Variants in CDH12 observed in about 807,000 individuals in gnomAD.
The protein encoded by CDH12 is cadherin-12.
In CDH12, 41 loss-of-function variants were observed where a neutral mutation model predicts 74.1. The observed-to-expected ratio is 0.55, with a 90% CI of 0.43 to 0.72. CDH12 has a LOEUF of 0.72. Among genes scored for constraint, CDH12 ranks in the 30% least tolerant of loss-of-function variants. The pLI is 0.00. For synonymous variants in CDH12, 399 were observed against 355.0 expected (o/e 1.12, Z -1.39); for missense variants, 945 against 977.2 (o/e 0.97, Z 0.44).
chr5:21,935,582 T>C (rs1423939348), intron 6 of CDH12, among the ~76,000 whole-genome samples: 1 of 152,218 alleles, frequency 6.6e-6, no homozygotes, highest in Admixed American at 6.5e-5. Context: ...AGTTATCCTT[T>C]GTGTTACAAA....
At chr5:22,138,041 A>G (rs943802687) in intron 4 of CDH12, among the ~76,000 whole-genome samples, 2 of 152,148 alleles carry the variant, frequency 1.3e-5, no homozygotes, top group Non-Finnish European at 2.9e-5. Flanking sequence ...AAAAATTATC[A>G]TATGAAAACC....
At chr5:22,193,158 T>G (rs933426365) in intron 4 of CDH12, among the ~76,000 whole-genome samples, 3 of 152,194 alleles carry the variant, frequency 2.0e-5, no homozygotes, top group Non-Finnish European at 4.4e-5. Flanking sequence ...TTTTGTTTGT[T>G]TTTGTTTGTT....
intron 1 of CDH12, among the ~76,000 whole-genome samples, chr5:22,752,471 T>C (rs1745628027): frequency 6.6e-6 from 1 of 150,532 alleles, no homozygotes; most frequent in South Asian, 2.1e-4. Flanking sequence ...CATGTTTTCA[T>C]TTCTCAAACT....
chr5:22,603,029 T>C (rs1016053900), intron 1 of CDH12, among the ~76,000 whole-genome samples: 7 of 152,122 alleles, frequency 4.6e-5, no homozygotes, highest in Non-Finnish European at 8.8e-5. Context: ...CTGATCACTT[T>C]CTCCTTACTC....
At chr5:21,950,801 T>TA (rs55824013) in intron 6 of CDH12, among the ~76,000 whole-genome samples, 3 of 145,232 alleles carry the variant, frequency 2.1e-5, no homozygotes, top group Non-Finnish European at 4.5e-5. Flanking sequence ...TTATTATTAT[T>TA]TTGAGACAGA....
At position 22,654,189 on chromosome 5, in the gene CDH12, C is replaced by A. The variant is rs1396819611; in HGVS notation, c.-522-148825G>T. 8.1e-5 allele frequency among the ~76,000 whole-genome samples: 12 copies of A among 147,628 alleles called. No homozygotes were observed. The Admixed American group carries it at 8.3e-4, about 10-fold the overall frequency. On this transcript the variant is annotated intron_variant, in intron 1 of 14. Coordinates refer to ENST00000382254, the MANE Select transcript of CDH12 (RefSeq NM_004061.5). Reference sequence around the variant, plus strand: ...CCCTTCCTTCCTTTCTTCTTTCTTTCTTTCTTTCTTTTCTTTCTTTCTTTC... The same window carrying A: ...CCCTTCCTTCCTTTCTTCTTTCTTTATTTCTTTCTTTTCTTTCTTTCTTTC...
intron 1 of CDH12, among the ~76,000 whole-genome samples, chr5:22,839,329 A>G (rs991534853): frequency 1.3e-5 from 2 of 149,494 alleles, no homozygotes; most frequent in African/African-American, 4.9e-5. Context: ...TCCCTATGCT[A>G]GTTTACAATC....
At chr5:22,000,150 T>C (rs991489798) in intron 5 of CDH12, among the ~76,000 whole-genome samples, 3 of 152,182 alleles carry the variant, frequency 2.0e-5, no homozygotes, top group Non-Finnish European at 4.4e-5. Flanking sequence ...TTTGTACAGA[T>C]GGAATCTTGC....
chr5:21,809,927 A>AG (rs1747656559), intron 9 of CDH12, among the ~76,000 whole-genome samples: 1 of 152,090 alleles, frequency 6.6e-6, no homozygotes, highest in Non-Finnish European at 1.5e-5. Flanking sequence ...ACTTTGCCTG[A>AG]GGGACTCTAG....
At chr5:22,602,471 T>G (rs1305610452) in intron 1 of CDH12, among the ~76,000 whole-genome samples, 1 of 152,146 alleles carries the variant, frequency 6.6e-6, no homozygotes, top group Non-Finnish European at 1.5e-5. Flanking sequence ...TGTTGTTTTA[T>G]CATTTCCTCC....
At chr5:22,839,532 T>C (rs1736992554) in intron 1 of CDH12, among the ~76,000 whole-genome samples, 1 of 151,870 alleles carries the variant, frequency 6.6e-6, no homozygotes, top group Non-Finnish European at 1.5e-5. Flanking sequence ...ATTTTTTACA[T>C]TTTTAGTAGA....
intron 1 of CDH12, among the ~76,000 whole-genome samples, chr5:22,677,209 C>T (rs923891864): frequency 3.4e-4 from 51 of 152,084 alleles, no homozygotes; most frequent in Non-Finnish European, 1.3e-4. Context: ...ACCAAAAGTT[C>T]ACACACTCTG....
rs2150042901 is a variant in CDH12, at chr5:21,889,842, CT to C, written c.527-35053del. The C allele has an allele frequency of 3.0e-6, 3 of 985,306 alleles. No homozygotes were observed. In the South Asian group the frequency reaches 1.4e-4, roughly 46 times the overall value. 61.0% of individuals were successfully genotyped at this position (985,306 alleles called of 1,614,324 possible). A position where few individuals can be genotyped will look rare whatever the true frequency, so the allele number is the denominator to read the frequency against. Reference sequence around the variant, plus strand: ...AGAACAGCTGCCTTTGCCTAAAACCCTCTTTGTGTTAGCATCAGAGGGCAGA... The same window carrying C: ...AGAACAGCTGCCTTTGCCTAAAACCCCTTTGTGTTAGCATCAGAGGGCAGA... On this transcript the variant is annotated intron_variant, in intron 6 of 14. Coordinates refer to ENST00000382254, the MANE Select transcript of CDH12 (RefSeq NM_004061.5).
At chr5:22,654,510 G>A (rs751383914) in intron 1 of CDH12, among the ~76,000 whole-genome samples, 2 of 152,044 alleles carry the variant, frequency 1.3e-5, no homozygotes, top group Admixed American at 1.3e-4. Flanking sequence ...GGCTGGTCTC[G>A]AACTCCTAAC....
chr5:22,836,217 C>CTGTTTT (rs1329156670), intron 1 of CDH12, among the ~76,000 whole-genome samples: 1 of 20,478 alleles, frequency 4.9e-5, no homozygotes. Context: ...TTTTTTCTTT[C>CTGTTTT]TTTCTCTTTT....
At chr5:21,960,575 G>A (rs572225407) in intron 6 of CDH12, among the ~76,000 whole-genome samples, 221 of 152,062 alleles carry the variant, frequency 1.5e-3, no homozygotes, top group African/African-American at 5.1e-3. Context: ...CTAATTTTGG[G>A]ATTATTTCTG....
intron 6 of CDH12, among the ~76,000 whole-genome samples, chr5:21,932,373 T>C (rs1754880153): frequency 6.6e-6 from 1 of 152,228 alleles, no homozygotes; most frequent in South Asian, 2.1e-4. Flanking sequence ...CATCCTTTGA[T>C]GTGCAGTTAA....
At chr5:22,738,706 T>C (rs1186648103) in intron 1 of CDH12, among the ~76,000 whole-genome samples, 1 of 152,022 alleles carries the variant, frequency 6.6e-6, no homozygotes, top group East Asian at 1.9e-4. Flanking sequence ...GCTAAAATAT[T>C]GGGAAAAAAT....
intron 1 of CDH12, among the ~76,000 whole-genome samples, chr5:22,829,028 G>A (rs149943383): frequency 6.6e-6 from 1 of 152,224 alleles, no homozygotes; most frequent in East Asian, 1.9e-4. Flanking sequence ...GGTCAAAGTG[G>A]CAGCCTCAAA....
Sources: allele counts gnomAD v4.1 joint callset (sites outside exome capture counted in the v4.1 genomes callset), GRCh38; gene constraint gnomAD v4.1.1; transcripts MANE v1.5; gene names NCBI Gene and HGNC (gene_info 2026-07-23, HGNC 2026-07-21).